The following NKTR variants were observed in gnomAD, a reference collection of about 807,000 sequenced individuals.
NKTR encodes natural killer cell triggering receptor, also known as NK-tumor recognition protein.
A neutral mutation model predicts 156.3 loss-of-function variants in NKTR; 67 were observed. The observed-to-expected ratio is 0.43, with a 90% CI of 0.35 to 0.53. The LOEUF (loss-of-function observed/expected upper bound fraction) is 0.53, where lower values mean the gene tolerates loss of function less well. Ranked by LOEUF, NKTR falls within the 20% of genes least tolerant of loss-of-function variation. The pLI is 0.01. For synonymous variants in NKTR, 640 were observed against 596.6 expected (o/e 1.07, Z -1.06); for missense variants, 1,604 against 1,730.9 (o/e 0.93, Z 1.30).
rs1478896687 is a variant in NKTR, at chr3:42,639,276, T to C, written c.3572T>C (p.Val1191Ala). ...SMSESKVLGEVGKQDSSSASL... is the reference protein window; with the variant it reads ...SMSESKVLGEAGKQDSSSASL... ...TCCGAAAGTAAAGTGTTGGGTGAAG[T>C]GGGGAAACAGGACAGCAGCTCTGCT... is the stretch of plus-strand genomic sequence containing the variant. Residue 1191 changes from valine to alanine, a missense_variant, in exon 13 of 17, where the codon GTG becomes GCG. Physicochemically the swap from Val to Ala is moderately conservative, Grantham distance 64. Around this residue, in one of 6 missense-constraint regions of NKTR, gnomAD observed 1,255 missense variants for 1,243.7 expected, o/e 1.01. Transcript: ENST00000232978. 10 of 1,613,928 alleles carry C rather than the reference T, an allele frequency of 6.2e-6. No individual in the cohort carries two copies. In the South Asian group the frequency reaches 9.9e-5, roughly 16 times the overall value.
At chr3:42,621,257 T>G (rs1384300366) in intron 5 of NKTR, 172 bp from the exon 6 acceptor site, 1 of 1,307,588 alleles carries the variant, frequency 7.6e-7, no homozygotes, top group Non-Finnish European at 9.7e-7. Context: ...TTTTGGCCTT[T>G]TTATGCTTTT....
Position 42,643,972 on chromosome 3 carries a change from C to A in NKTR, c.4270C>A (p.His1424Asn). Residue 1424 changes from histidine to asparagine, a missense_variant, in exon 16 of 17, where the codon CAC (histidine) becomes AAC (asparagine). By Grantham distance (68) the His-to-Asn change is moderately conservative. Transcript: ENST00000232978. ...RSRSQRSDSYHRGRSYNRRSR... is the reference protein window; with the variant it reads ...RSRSQRSDSYNRGRSYNRRSR... ...TAGAAGCCAGAGAAGTGACAGTTACCACCGAGGCAGAAGTTATAATCGGCG... is the reference window on the plus strand; with the variant it reads ...TAGAAGCCAGAGAAGTGACAGTTACAACCGAGGCAGAAGTTATAATCGGCG... 6.2e-7 allele frequency: 1 copy of A among 1,613,964 alleles called. No individual in the cohort carries two copies. Among genetic ancestry groups the A allele is most frequent in the Non-Finnish European group, 8.5e-7 (1 of 1,179,930 alleles).
Position 42,600,989 on chromosome 3 carries a change from G to A in NKTR, c.-18G>A. The A allele has an allele frequency of 6.5e-7, 1 of 1,546,272 alleles. No homozygotes were observed. The highest frequency in any genetic ancestry group is 8.7e-7 in the Non-Finnish European group (1 of 1,146,558). ...TTTCTCCCCCTCTCTCCCAGCTCTT[G>A]CCGCCACCTCGGTCGCGATGGGGGC... is the stretch of plus-strand genomic sequence containing the variant. On this transcript the variant is annotated 5_prime_UTR_variant, in exon 2 of 17. Transcript: ENST00000232978.
chr3:42,638,755 G>A lies in NKTR; in HGVS notation c.3051G>A (p.Gln1017=). Residue 1017 remains glutamine (Q), a synonymous_variant, in exon 13 of 17, where the codon CAG becomes CAA. Transcript: ENST00000232978. Reference sequence around the variant, plus strand: ...AACGAAAGCAAGCATTTCACTGGCAGCCTCCACTAGAATTTGGTGAAGAGG... The same window carrying A: ...AACGAAAGCAAGCATTTCACTGGCAACCTCCACTAGAATTTGGTGAAGAGG... ...APKRKQAFHW[Q]PPLEFGEEEE... 2 of 1,614,030 alleles carry A rather than the reference G, an allele frequency of 1.2e-6. No homozygotes were observed. The highest frequency in any genetic ancestry group is 8.5e-7 in the Non-Finnish European group (1 of 1,180,030).
Position 42,636,893 on chromosome 3 carries a change from T to C in NKTR, c.1189T>C (p.Trp397Arg), listed in dbSNP as rs1014667931. ...GTTAAGTGACCCCTGTTCAAGCCGA[T>C]GGGATGAAAGAAGCTTGTCTCAGAG... ...DKLSDPCSSR[W>R]DERSLSQRSR... The change falls in exon 13 of 17, where the codon TGG becomes CGG. Residue 397 changes from tryptophan to arginine, a missense_variant. Transcript: ENST00000232978. 4 of 1,574,086 alleles carry C rather than the reference T, an allele frequency of 2.5e-6. No homozygotes were observed. The highest frequency in any genetic ancestry group is 1.4e-5 in the African/African-American group (1 of 72,316).
intron 12 of NKTR, among the ~76,000 whole-genome samples, chr3:42,635,822 G>C (rs1709351161): frequency 6.6e-6 from 1 of 152,016 alleles, no homozygotes; most frequent in Non-Finnish European, 1.5e-5. Flanking sequence ...GCAGGAGAAT[G>C]GTGTGAACCC....
At chr3:42,644,462 T>G (rs1026826532) in intron 16 of NKTR, among the ~76,000 whole-genome samples, 1 of 152,228 alleles carries the variant, frequency 6.6e-6, no homozygotes, top group Non-Finnish European at 1.5e-5. Context: ...ATGTATTATG[T>G]TTAACATATT....
intron 6 of NKTR, among the ~76,000 whole-genome samples, chr3:42,626,560 A>G (rs1253522534): frequency 6.6e-6 from 1 of 152,122 alleles, no homozygotes; most frequent in Non-Finnish European, 1.5e-5. Flanking sequence ...CTGCTTTATT[A>G]TTATGTTCAG....
rs1710377579 is a variant in NKTR, at chr3:42,646,927, GAT to G, written c.*955_*956del. ...GGAGCAGGCAGGATTGGCAGTAAGA[GAT>G]ATTGGCCACTCAAGTCTACTGTGTG... On this transcript the variant is annotated 3_prime_UTR_variant, in exon 17 of 17. Coordinates refer to ENST00000232978, the MANE Select transcript of NKTR (RefSeq NM_005385.4). 1 of 152,238 alleles carries G rather than the reference GAT, an allele frequency of 6.6e-6. No individual in the cohort carries two copies. Among genetic ancestry groups the G allele is most frequent in the Admixed American group, 6.5e-5 (1 of 15,280 alleles). 9.4% of individuals were successfully genotyped at this position (152,238 alleles called of 1,614,324 possible). A position where few individuals can be genotyped will look rare whatever the true frequency, so the allele number is the denominator to read the frequency against.
At chr3:42,620,606 TGAA>T (rs1162606680) in intron 5 of NKTR, 7 of 984,150 alleles carry the variant, frequency 7.1e-6, no homozygotes, top group African/African-American at 3.5e-5. Flanking sequence ...CTGTTTGTTC[TGAA>T]GAAGATTTGT....
At chr3:42,628,196 C>T in intron 6 of NKTR, 1 of 985,308 alleles carries the variant, frequency 1.0e-6, no homozygotes, top group Non-Finnish European at 1.2e-6. Context: ...TCTTGAGTTG[C>T]AGATGCAAGT....
chr3:42,603,046 GAAAA>G (rs1705726139), intron 2 of NKTR: 3 of 149,424 alleles, frequency 2.0e-5, no homozygotes, highest in Admixed American at 6.7e-5. Context: ...AAAAAGAAAA[GAAAA>G]GAAAAATAGT....
rs745772498 is a variant in NKTR at position 42,638,119 on chromosome 3, A to C, written c.2415A>C (p.Leu805Phe). The C allele has an allele frequency of 1.2e-6, 2 of 1,614,006 alleles. No individual in the cohort carries two copies. The highest frequency in any genetic ancestry group is 8.5e-7 in the Non-Finnish European group (1 of 1,180,008). ...AGTATAGCGAGAGCAGATCATCTTT[A>C]GATTATTCTTCAGACAGTGAGCAGT... ...VRKYSESRSS[L>F]DYSSDSEQSS... Residue 805 changes from leucine (L) to phenylalanine (F), a missense_variant, in exon 13 of 17, where the codon TTA becomes TTC. Physicochemically the swap from Leu to Phe is conservative, Grantham distance 22. Coordinates refer to ENST00000232978, the MANE Select transcript of NKTR (RefSeq NM_005385.4).
rs1411206120 is a variant in NKTR, at chr3:42,638,569, A to G, written c.2865A>G (p.Thr955=). 2.5e-6 allele frequency: 4 copies of G among 1,614,092 alleles called. No homozygotes were observed. Among genetic ancestry groups the G allele is most frequent in the Non-Finnish European group, 3.4e-6 (4 of 1,180,002 alleles). Residue 955 remains threonine, a synonymous_variant, in exon 13 of 17, where the codon ACA becomes ACG. Coordinates refer to ENST00000232978, the MANE Select transcript of NKTR (RefSeq NM_005385.4). The part of the protein sequence containing the change: ...NGAWKSSKQR[T]STSDSEGSCS... ...CTTGGAAATCAAGCAAACAGCGCAC[A>G]TCAACTTCTGACTCTGAGGGGTCCT...
intron 2 of NKTR, among the ~76,000 whole-genome samples, chr3:42,614,576 A>C (rs542449351): frequency 7.2e-5 from 11 of 152,152 alleles, no homozygotes; most frequent in African/African-American, 2.7e-4. Context: ...TAATCTTGCT[A>C]ATGAGCTTCA....
chr3:42,610,404 T>G (rs1344516038), intron 2 of NKTR, among the ~76,000 whole-genome samples: 1 of 152,184 alleles, frequency 6.6e-6, no homozygotes, highest in African/African-American at 2.4e-5. Context: ...GCTACAGGAG[T>G]GTTTCACCAT....
chr3:42,634,520 T>C (rs1424759283), intron 10 of NKTR, 93 bp from the exon 11 acceptor site: 1 of 640,952 alleles, frequency 1.6e-6, no homozygotes, highest in Non-Finnish European at 2.6e-6. Context: ...GCATGTATCT[T>C]TGAATTAATA....
At chr3:42,628,631 A>T (rs1251620598) in intron 6 of NKTR, 1 of 985,236 alleles carries the variant, frequency 1.0e-6, no homozygotes, top group African/African-American at 1.7e-5. Context: ...AATGTATCTA[A>T]TCAGGAAACC....
At chr3:42,640,052 G>T (rs1352185509) in intron 13 of NKTR, among the ~76,000 whole-genome samples, 1 of 152,204 alleles carries the variant, frequency 6.6e-6, no homozygotes, top group African/African-American at 2.4e-5. Flanking sequence ...CTTCTTGCCA[G>T]TCAAGTGATG....
Sources: gnomAD v4.1 joint callset for allele counts (sites outside exome capture counted in the v4.1 genomes callset) on GRCh38, gnomAD v4.1.1 for gene constraint, gnomAD v4.1.1 regional missense constraint, MANE v1.5 for transcripts, NCBI Gene and HGNC (gene_info 2026-07-23, HGNC 2026-07-21) for gene names.